LMNTD2: variants seen among roughly 807,000 people sequenced by gnomAD.
LMNTD2 encodes the protein lamin tail domain containing 2, also known as lamin tail domain-containing protein 2.
A neutral mutation model predicts 70.1 loss-of-function variants in LMNTD2; 83 were observed. That is an observed-to-expected ratio of 1.18 (90% CI 0.99 to 1.42). The LOEUF is 1.42. LMNTD2 is among the 40% of genes most tolerant of loss of function. LMNTD2 has a pLI of 0.00. For missense variants in LMNTD2, 1,153 were observed against 905.9 expected, an observed-to-expected ratio of 1.27 and a Z score of -3.50; for synonymous variants, 534 against 406.1, an observed-to-expected ratio of 1.31 and a Z score of -3.79.
At chr11:555,159 G>GAGGGGAGGGGAGCGGCGAGA in intron 13 of LMNTD2, 48 bp from the exon 14 acceptor site, 5 of 561,118 alleles carry the variant, frequency 8.9e-6, no homozygotes, top group Non-Finnish European at 1.3e-5. Flanking sequence ...GCGGGGACGG[G>GAGGGGAGGGGAGCGGCGAGA]AGGGGAGGGG....
chr11:557,147 C>T (rs756542492), intron 7 of LMNTD2, 50 bp from the exon 8 acceptor site: 2 of 1,519,264 alleles, frequency 1.3e-6, no homozygotes, highest in East Asian at 2.4e-5. Context: ...GACCCCAGCC[C>T]TGCCCCCGTC....
chr11:560,736 G>A lies in LMNTD2; in HGVS notation c.-20C>T. ...CCGCATTTCCGCGTTTTTCGCGGTA[G>A]GCGGGAGGTGGGGGCGGGGACTGCG... On this transcript the variant is annotated 5_prime_UTR_variant, in exon 1 of 14. Transcript: ENST00000329451. 7.0e-7 allele frequency: 1 copy of A among 1,419,698 alleles called. No homozygotes were observed. The allele number at this position is 1,419,698 out of a possible 1,614,324, so 87.9% of individuals were successfully genotyped here. A position where few individuals can be genotyped will look rare whatever the true frequency, so the allele number is the denominator to read the frequency against.
chr11:559,398 C>T, intron 1 of LMNTD2: 1 of 1,314,982 alleles, frequency 7.6e-7, no homozygotes, highest in Non-Finnish European at 1.0e-6. Flanking sequence ...TATACCGTTG[C>T]CATGGATACC....
At chr11:555,541 G>A (rs1473865859) in intron 12 of LMNTD2, 38 bp from the exon 13 acceptor site, 4 of 1,329,308 alleles carry the variant, frequency 3.0e-6, no homozygotes, top group South Asian at 2.0e-5. Flanking sequence ...CGGCCGGCCC[G>A]GGAAAGGCGG....
intron 12 of LMNTD2, 39 bp downstream of exon 12, chr11:555,695 G>A: frequency 7.3e-7 from 1 of 1,369,068 alleles, no homozygotes; most frequent in Non-Finnish European, 9.4e-7. Context: ...GTCGGGGCCT[G>A]GGGAGGGAGG....
In LMNTD2 at chr11:555,889, G is replaced by A. The variant is rs1402487667; in HGVS notation, c.1419C>T (p.Ala473=). The A allele has an allele frequency of 6.4e-7, 1 of 1,566,836 alleles. No individual in the cohort carries two copies. Among genetic ancestry groups the A allele is most frequent in the Admixed American group, 1.8e-5 (1 of 54,208 alleles). ...CGGTGCCGTCGGCGAAGACCCTCGG[G>A]GCCGGAGTCTCGCGGCGTGGGATCC... is the stretch of plus-strand genomic sequence containing the variant. ...EHRIPRRETP[A]PRVFADGTDL... Residue 473 remains alanine, a synonymous_variant, in exon 12 of 14, where the codon GCC becomes GCT. Coordinates refer to ENST00000329451, the MANE Select transcript of LMNTD2 (RefSeq NM_173573.3).
rs776941301 is a variant in LMNTD2 at position 555,045 on chromosome 11, T to C, written c.1840A>G (p.Ser614Gly). 1 of 1,593,076 alleles carries C rather than the reference T, an allele frequency of 6.3e-7. No individual in the cohort carries two copies. Among genetic ancestry groups the C allele is most frequent in the Non-Finnish European group, 8.5e-7 (1 of 1,172,944 alleles). ...VALSVQNTAE[S>G]RFGFRFLSCL... ...CTGAGGAAGCGGAAGCCGAATCTGC[T>C]CTCCGCCGTGTTCTGCACCGACAGG... Residue 614 changes from serine to glycine, a missense_variant, in exon 14 of 14, where the codon AGC (serine) becomes GGC (glycine). Ser to Gly is a moderately conservative substitution (Grantham distance 56). Transcript: ENST00000329451.
chr11:555,141 G>C lies in LMNTD2; in HGVS notation c.1774-30C>G, dbSNP rs770065598. 1.4e-5 allele frequency: 14 copies of C among 1,028,892 alleles called. No individual in the cohort carries two copies. In the African/African-American group the frequency reaches 2.3e-4, roughly 17 times the overall value. The allele number at this position is 1,028,892 out of a possible 1,614,324, so 63.7% of individuals were successfully genotyped here. A position where few individuals can be genotyped will look rare whatever the true frequency, so the allele number is the denominator to read the frequency against. ...GGGGCGCGGGGGCTGAGAGGCGCGC[G>C]GGGCGGGGCGGGGACGGGAGGGGAG... On this transcript the variant is annotated intron_variant, in intron 13 of 13. Coordinates refer to ENST00000329451, the MANE Select transcript of LMNTD2 (RefSeq NM_173573.3).
At position 556,372 on chromosome 11, in the gene LMNTD2, C is replaced by T. The variant is rs1408185855; in HGVS notation, c.1077G>A (p.Pro359=). The change falls in exon 10 of 14, where the codon CCG becomes CCA. Residue 359 remains proline, a synonymous_variant. Transcript: ENST00000329451. ...DHWSPELLQS[P]TGLKIVAVSC... ...TCACAGCCACGATCTTCAGGCCTGT[C>T]GGGCTGGGAAGAGAGGAGACGCTGT... 2.0e-6 allele frequency: 3 copies of T among 1,535,912 alleles called. No homozygotes were observed. The highest frequency in any genetic ancestry group is 2.4e-5 in the East Asian group (1 of 40,904).
chr11:555,474 G>C lies in LMNTD2; in HGVS notation c.1604C>G (p.Ser535Trp). 1 of 1,377,320 alleles carries C rather than the reference G, an allele frequency of 7.3e-7. No individual in the cohort carries two copies. The highest frequency in any genetic ancestry group is 9.3e-7 in the Non-Finnish European group (1 of 1,072,048). 85.3% of individuals were successfully genotyped at this position (1,377,320 alleles called of 1,614,324 possible). The change falls in exon 13 of 14, where the codon TCG becomes TGG. Residue 535 changes from serine to tryptophan, a missense_variant. Ser to Trp is a radical substitution (Grantham distance 177, BLOSUM62 -3). Transcript: ENST00000329451. ...GTRGLLPPVS[S>W]GKLFHAREGP... ...CTCCCGCGCGTGGAAGAGCTTCCCCGAGCTCACTGGGGGCAGCAGGCCCCG... is the reference window on the plus strand; with the variant it reads ...CTCCCGCGCGTGGAAGAGCTTCCCCCAGCTCACTGGGGGCAGCAGGCCCCG...
intron 8 of LMNTD2, 45 bp downstream of exon 8, chr11:556,790 G>A (rs1223714378): frequency 6.6e-7 from 1 of 1,504,144 alleles, no homozygotes. Flanking sequence ...CTGAGGGGGT[G>A]GAGGGTGGGT....
In LMNTD2 at chr11:555,456, G is replaced by A; in HGVS notation, c.1622C>T (p.Ala541Val). Residue 541 changes from alanine (A) to valine (V), a missense_variant, in exon 13 of 14, where the codon GCG (alanine) becomes GTG (valine). Physicochemically the swap from Ala to Val is moderately conservative, Grantham distance 64 (BLOSUM62 0). Coordinates refer to ENST00000329451, the MANE Select transcript of LMNTD2 (RefSeq NM_173573.3). ...CTCGGGCCGCGCAGGCCCCTCCCGC[G>A]CGTGGAAGAGCTTCCCCGAGCTCAC... ...PPVSSGKLFH[A>V]REGPARPENP... 7.3e-7 allele frequency: 1 copy of A among 1,378,484 alleles called. No individual in the cohort carries two copies. The highest frequency in any genetic ancestry group is 9.3e-7 in the Non-Finnish European group (1 of 1,072,064). The allele number at this position is 1,378,484 out of a possible 1,614,324, so 85.4% of individuals were successfully genotyped here.
At chr11:555,188 GGCGGGGAGGA>G (rs1852743968) in intron 13 of LMNTD2, 77 bp from the exon 14 acceptor site, 1 of 476,258 alleles carries the variant, frequency 2.1e-6, no homozygotes, top group African/African-American at 2.5e-5. Flanking sequence ...AGAGGGGAGG[GGCGGGGAGGA>G]GAGCGGAGGG....
intron 1 of LMNTD2, chr11:559,743 C>T (rs1853158542): frequency 9.4e-7 from 1 of 1,066,904 alleles, no homozygotes; most frequent in South Asian, 2.8e-5. Flanking sequence ...CACTCCTGCC[C>T]ACAGCCTGTT....
chr11:560,528 G>A (rs938340589), intron 1 of LMNTD2, 155 bp downstream of exon 1: 10 of 1,277,404 alleles, frequency 7.8e-6, no homozygotes, highest in Non-Finnish European at 1.0e-5. Context: ...GGCCCCAAAG[G>A]CTGGCCCGGG....
chr11:558,182 T>A lies in LMNTD2; in HGVS notation c.378A>T (p.Glu126Asp). The change falls in exon 4 of 14, where the codon GAA becomes GAT. Residue 126 changes from glutamate (E) to aspartate (D), a missense_variant. Physicochemically the swap from Glu to Asp is conservative, Grantham distance 45. Coordinates refer to ENST00000329451, the MANE Select transcript of LMNTD2 (RefSeq NM_173573.3). ...QVQKLIQELK[E>D]QKERAQWEKE... Reference sequence around the variant, plus strand: ...TCACCCACTGGGCTCGCTCCTTCTGTTCCTTCAACTCCTGGATCAGCTTCT... The same window carrying A: ...TCACCCACTGGGCTCGCTCCTTCTGATCCTTCAACTCCTGGATCAGCTTCT... The A allele has an allele frequency of 1.2e-6, 2 of 1,613,538 alleles. No individual in the cohort carries two copies. Among genetic ancestry groups the A allele is most frequent in the Non-Finnish European group, 1.7e-6 (2 of 1,179,830 alleles).
rs772675163 is a variant in LMNTD2 at position 557,894 on chromosome 11, C to T, written c.545G>A (p.Gly182Asp). 4.7e-5 allele frequency: 74 copies of T among 1,569,872 alleles called. No homozygotes were observed. Among genetic ancestry groups the T allele is most frequent in the Non-Finnish European group, 6.9e-6 (8 of 1,158,836 alleles). The change falls in exon 5 of 14, where the codon GGC becomes GAC. Residue 182 changes from glycine (G) to aspartate (D), a missense_variant. Transcript: ENST00000329451. ...GGGGGACAGGCTCACCTCCACACTG[C>T]CAGTCTGGGATCGTAGCATGCGGCC... ...WVGRMLRSQT[G>D]SVEVVTAETL...
At chr11:559,234 C>T in intron 1 of LMNTD2, 1 of 1,490,790 alleles carries the variant, frequency 6.7e-7, no homozygotes, top group Non-Finnish European at 9.0e-7. Flanking sequence ...CACCACCCGA[C>T]ATGTCCCTGG....
In LMNTD2 at chr11:557,075, G is replaced by A. The variant is rs367796723; in HGVS notation, c.736C>T (p.Leu246=). The A allele has an allele frequency of 1.2e-6, 2 of 1,602,946 alleles. No homozygotes were observed. Among genetic ancestry groups the A allele is most frequent in the Admixed American group, 1.7e-5 (1 of 59,366 alleles). Residue 246 remains leucine (L), a synonymous_variant, in exon 8 of 14, where the codon CTG becomes TTG. Coordinates refer to ENST00000329451, the MANE Select transcript of LMNTD2 (RefSeq NM_173573.3). Reference sequence around the variant, plus strand: ...GAGGACTCTGGGCTCCCTGTGTCCAGCTGTGGCCAGGGCCGGGGCTGCCTG... The same window carrying A: ...GAGGACTCTGGGCTCCCTGTGTCCAACTGTGGCCAGGGCCGGGGCTGCCTG... ...KQKQPRPWPQ[L]DTGSPESSGK...
Sources: allele counts gnomAD v4.1 joint callset, GRCh38; gene constraint gnomAD v4.1.1; transcripts MANE v1.5; gene names NCBI Gene and HGNC (gene_info 2026-07-23, HGNC 2026-07-21).